Variants in SDK1 observed in about 807,000 individuals in gnomAD.
SDK1 encodes the protein protein sidekick-1.
Under a neutral mutation model 245.5 loss-of-function variants are expected in SDK1, and 157 were observed. The observed-to-expected ratio is 0.64, with a 90% CI of 0.56 to 0.73. The LOEUF (loss-of-function observed/expected upper bound fraction) is 0.73. Among genes scored for constraint, SDK1 ranks in the 30% least tolerant of loss-of-function variants. The pLI, the probability that SDK1 is intolerant of heterozygous loss-of-function variation, is 0.00. For missense variants in SDK1, 3,583 were observed against 3,002.3 expected (o/e 1.19, Z -4.52); for synonymous variants, 1,647 against 1,278.5 (o/e 1.29, Z -6.15).
chr7:3,863,472 A>G (rs1390170147), intron 5 of SDK1, among the ~76,000 whole-genome samples: 1 of 152,118 alleles, frequency 6.6e-6, no homozygotes, highest in Non-Finnish European at 1.5e-5. Context: ...GTACAACTTC[A>G]TGTTATTAAG....
At chr7:3,658,697 C>T (rs946871749) in intron 4 of SDK1, among the ~76,000 whole-genome samples, 5 of 150,236 alleles carry the variant, frequency 3.3e-5, no homozygotes, top group Non-Finnish European at 7.4e-5. Flanking sequence ...CTGCTGCAAC[C>T]TCCACCTCCC....
chr7:3,504,342 A>G (rs1782320984), intron 1 of SDK1, among the ~76,000 whole-genome samples: 1 of 151,728 alleles, frequency 6.6e-6, no homozygotes, highest in Non-Finnish European at 1.5e-5. Context: ...AATACAAGGG[A>G]CCCAGAATGG....
At chr7:3,851,446 C>T (rs1051312995) in intron 5 of SDK1, among the ~76,000 whole-genome samples, 5 of 152,086 alleles carry the variant, frequency 3.3e-5, no homozygotes, top group Non-Finnish European at 7.4e-5. Flanking sequence ...AAGATAGAAG[C>T]GTAATATGCT....
chr7:3,977,408 G>A (rs111946133), intron 13 of SDK1, among the ~76,000 whole-genome samples: 14 of 108,106 alleles, frequency 1.3e-4, no homozygotes, highest in Non-Finnish European at 2.5e-4. Flanking sequence ...TGGGGGTCCC[G>A]GGGCTGAGGC....
intron 4 of SDK1, among the ~76,000 whole-genome samples, chr7:3,677,082 A>G (rs1783925091): frequency 6.6e-6 from 1 of 151,950 alleles, no homozygotes; most frequent in Admixed American, 6.6e-5. Flanking sequence ...CTGGGTGGCT[A>G]ATTTTGTACT....
At chr7:3,401,531 A>G (rs1453492223) in intron 1 of SDK1, among the ~76,000 whole-genome samples, 1 of 152,112 alleles carries the variant, frequency 6.6e-6, no homozygotes, top group African/African-American at 2.4e-5. Flanking sequence ...TGCTGGGGGA[A>G]AATAACAAGA....
Position 4,012,184 on chromosome 7 carries a change from A to G in SDK1, c.2369A>G (p.Gln790Arg), listed in dbSNP as rs1309272021. 4 of 1,574,440 alleles carry G rather than the reference A, an allele frequency of 2.5e-6. No homozygotes were observed. The highest frequency in any genetic ancestry group is 3.4e-6 in the Non-Finnish European group (4 of 1,160,796). Residue 790 changes from glutamine to arginine, a missense_variant, in exon 16 of 45, where the codon CAG becomes CGG. By Grantham distance (43) the Gln-to-Arg change is conservative. Coordinates refer to ENST00000404826, the MANE Select transcript of SDK1 (RefSeq NM_152744.4). ...RTNQSIMVQW[Q>R]PPPETEHNGV... ...AATCAGTCCATTATGGTCCAGTGGCAGCCACCCCCAGAAACAGAGCACAAC... is the reference window on the plus strand; with the variant it reads ...AATCAGTCCATTATGGTCCAGTGGCGGCCACCCCCAGAAACAGAGCACAAC...
At chr7:3,579,463 T>G (rs527941877) in intron 1 of SDK1, among the ~76,000 whole-genome samples, 2 of 152,328 alleles carry the variant, frequency 1.3e-5, no homozygotes, top group South Asian at 4.1e-4. Flanking sequence ...AGGCTTTTGA[T>G]AAAATTCAGT....
chr7:3,428,590 A>G (rs973555876), intron 1 of SDK1, among the ~76,000 whole-genome samples: 2 of 152,202 alleles, frequency 1.3e-5, no homozygotes, highest in African/African-American at 4.8e-5. Context: ...TTCAGAAAAA[A>G]ATTATTAGCA....
chr7:4,187,005 G>A (rs1782934989), intron 35 of SDK1, among the ~76,000 whole-genome samples: 1 of 152,170 alleles, frequency 6.6e-6, no homozygotes, highest in African/African-American at 2.4e-5. Flanking sequence ...GTCTACCTAG[G>A]AGGGGCTCAA....
chr7:3,964,455 CT>C (rs944806440), intron 9 of SDK1, among the ~76,000 whole-genome samples: 1 of 152,158 alleles, frequency 6.6e-6, no homozygotes, highest in Non-Finnish European at 1.5e-5. Flanking sequence ...TTCTTTTGAT[CT>C]TTTTTTCCTA....
At chr7:3,666,040 T>C (rs145215418) in intron 4 of SDK1, among the ~76,000 whole-genome samples, 1,696 of 152,322 alleles carry the variant, frequency 0.011, 33 homozygotes, top group South Asian at 0.067. Context: ...GCCATTGGCA[T>C]AATTCTGCTT....
At chr7:3,844,503 C>A (rs757679643) in intron 5 of SDK1, among the ~76,000 whole-genome samples, 1 of 152,122 alleles carries the variant, frequency 6.6e-6, no homozygotes, top group African/African-American at 2.4e-5. Flanking sequence ...AGGGAACTGT[C>A]GAGCTGGGCA....
intron 5 of SDK1, among the ~76,000 whole-genome samples, chr7:3,863,252 G>T (rs1780739929): frequency 6.6e-6 from 1 of 152,054 alleles, no homozygotes; most frequent in Admixed American, 6.6e-5. Flanking sequence ...TTGCCTCCTG[G>T]GTTCCTTACC....
intron 5 of SDK1, among the ~76,000 whole-genome samples, chr7:3,873,262 C>T (rs1781000789): frequency 6.6e-6 from 1 of 152,010 alleles, no homozygotes; most frequent in Non-Finnish European, 1.5e-5. Flanking sequence ...GATGTAATTC[C>T]ACTGTTTTCT....
intron 1 of SDK1, among the ~76,000 whole-genome samples, chr7:3,405,226 T>C (rs554522424): frequency 6.6e-6 from 1 of 151,912 alleles, no homozygotes; most frequent in African/African-American, 2.4e-5. Flanking sequence ...TCACAAGAAC[T>C]AAGTGTGGCA....
intron 21 of SDK1, among the ~76,000 whole-genome samples, chr7:4,079,061 A>G (rs1290015822): frequency 6.6e-6 from 1 of 152,200 alleles, no homozygotes; most frequent in African/African-American, 2.4e-5. Context: ...CGCGGTAATT[A>G]TGAAAGGAAG....
chr7:3,648,070 T>C (rs1165613191), intron 4 of SDK1, among the ~76,000 whole-genome samples: 7 of 152,242 alleles, frequency 4.6e-5, no homozygotes, highest in Admixed American at 4.6e-4. Flanking sequence ...GTCCAAAGTT[T>C]GCTATCTTTG....
chr7:3,693,214 C>T lies in SDK1; in HGVS notation c.713+51109C>T, dbSNP rs140713034. Among the ~76,000 whole-genome samples, 304 of 152,102 alleles carry T rather than the reference C, an allele frequency of 2.0e-3. 1 individual carries two copies. Among genetic ancestry groups the T allele is most frequent in the African/African-American group, 6.9e-3 (287 of 41,524 alleles). On this transcript the variant is annotated intron_variant, in intron 4 of 44. Transcript: ENST00000404826. ...TTGAGACTGTGTGGTTATATAAACA[C>T]CAAATTTTTTTCTTCATTATCTCTG...
Sources: allele counts gnomAD v4.1 joint callset (sites outside exome capture counted in the v4.1 genomes callset), GRCh38; gene constraint gnomAD v4.1.1; transcripts MANE v1.5; gene names NCBI Gene and HGNC (gene_info 2026-07-23, HGNC 2026-07-21).